Variants in ABAT observed in about 807,000 individuals in gnomAD.
The protein encoded by ABAT is 4-aminobutyrate aminotransferase, mitochondrial.
ABAT carries 45 observed loss-of-function variants against 64.6 expected under a neutral mutation model. That is an observed-to-expected ratio of 0.70 (90% CI 0.55 to 0.89). The LOEUF (loss-of-function observed/expected upper bound fraction) is 0.89. Among genes scored for constraint, ABAT ranks in the 40% least tolerant of loss-of-function variants. The pLI is 0.00. For missense variants in ABAT, 633 were observed against 658.4 expected (o/e 0.96, Z 0.42); for synonymous variants, 297 against 250.5 (o/e 1.19, Z -1.75).
chr16:8,749,777 C>T (rs2059428035), intron 4 of ABAT, among the ~76,000 whole-genome samples: 1 of 151,808 alleles, frequency 6.6e-6, no homozygotes, highest in Admixed American at 6.6e-5. Flanking sequence ...TGTAGTGGCA[C>T]AATCTAAGTT....
At chr16:8,779,132 C>T (rs984963346) in intron 14 of ABAT, among the ~76,000 whole-genome samples, 5 of 152,316 alleles carry the variant, frequency 3.3e-5, no homozygotes, top group South Asian at 4.1e-4. Flanking sequence ...AGTCTCACCA[C>T]GGCCCCAGTG....
chr16:8,752,606 G>C (rs747922348), intron 5 of ABAT, among the ~76,000 whole-genome samples: 206 of 152,162 alleles, frequency 1.4e-3, no homozygotes, highest in Non-Finnish European at 2.1e-3. Context: ...CTCTACAAAA[G>C]AGTTTTAAAA....
chr16:8,763,306 T>G (rs1410217209), intron 6 of ABAT, among the ~76,000 whole-genome samples: 1 of 151,974 alleles, frequency 6.6e-6, no homozygotes, highest in Non-Finnish European at 1.5e-5. Context: ...GGTCCTCAGT[T>G]CCCCCAACTC....
At chr16:8,707,378 A>C (rs2057972076) in intron 1 of ABAT, among the ~76,000 whole-genome samples, 1 of 86,850 alleles carries the variant, frequency 1.2e-5, no homozygotes, top group Non-Finnish European at 2.3e-5. Flanking sequence ...TTTAGCGGAG[A>C]CAGGGTTTCA....
Position 8,768,175 on chromosome 16 carries a change from G to GAT in ABAT, c.604-15_604-14dup. 1 of 1,613,020 alleles carries GAT rather than the reference G, an allele frequency of 6.2e-7. No individual in the cohort carries two copies. The highest frequency in any genetic ancestry group is 8.5e-7 in the Non-Finnish European group (1 of 1,179,070). On this transcript the variant is annotated splice_polypyrimidine_tract_variant and intron_variant, in intron 9 of 15. Coordinates refer to ENST00000268251, the MANE Select transcript of ABAT (RefSeq NM_020686.6). ...ATCCTTACAACTATGACTAATGACT[G>GAT]ATATTTCTTGGTTTTAGGCCCCTGG... is the stretch of plus-strand genomic sequence containing the variant.
At position 8,764,660 on chromosome 16, in the gene ABAT, G is replaced by C; in HGVS notation, c.448-78G>C. On this transcript the variant is annotated intron_variant, in intron 7 of 15. Coordinates refer to ENST00000268251, the MANE Select transcript of ABAT (RefSeq NM_020686.6). The surrounding 1 kb of genome is among the most constrained non-coding windows in gnomAD (Gnocchi z 4.2). ...CTGTCCCCGGTACGGCCCCTGCGAA[G>C]ATTCAGCTCCAGCCAGGGGAAGCGG... The C allele has an allele frequency of 7.2e-7, 1 of 1,379,834 alleles. No individual in the cohort carries two copies. The highest frequency in any genetic ancestry group is 1.0e-6 in the Non-Finnish European group (1 of 968,610). 85.5% of individuals were successfully genotyped at this position (1,379,834 alleles called of 1,614,324 possible). A position where few individuals can be genotyped will look rare whatever the true frequency, so the allele number is the denominator to read the frequency against.
intron 2 of ABAT, among the ~76,000 whole-genome samples, chr16:8,740,834 CAAT>C (rs1318657239): frequency 2.0e-5 from 3 of 152,152 alleles, no homozygotes; most frequent in Non-Finnish European, 4.4e-5. Flanking sequence ...GTATCTTCCT[CAAT>C]AAACATTTTA....
intron 6 of ABAT, among the ~76,000 whole-genome samples, chr16:8,762,181 A>T (rs980516364): frequency 4.6e-5 from 7 of 152,100 alleles, no homozygotes; most frequent in Non-Finnish European, 1.0e-4. Context: ...ACTATTTCTT[A>T]TGTCACCAGG....
At chr16:8,735,449 G>C (rs988576202) in intron 1 of ABAT, among the ~76,000 whole-genome samples, 1 of 152,096 alleles carries the variant, frequency 6.6e-6, no homozygotes, top group Non-Finnish European at 1.5e-5. Context: ...ATGGGATCTT[G>C]CTATGCTGCC....
At position 8,771,977 on chromosome 16, in the gene ABAT, C is replaced by G. The variant is rs1181965734; in HGVS notation, c.817-803C>G. 2.0e-5 allele frequency among the ~76,000 whole-genome samples: 3 copies of G among 152,192 alleles called. No homozygotes were observed. The East Asian group carries it at 5.8e-4, about 29-fold the overall frequency. ...CATGAACCGCGCTATGTTGCACAGGCTGGTCTCAAACTCCTGGCCTCAAGG... is the reference window on the plus strand; with the variant it reads ...CATGAACCGCGCTATGTTGCACAGGGTGGTCTCAAACTCCTGGCCTCAAGG... On this transcript the variant is annotated intron_variant, in intron 11 of 15. Transcript: ENST00000268251.
At chr16:8,730,676 T>C (rs1384268041) in intron 1 of ABAT, among the ~76,000 whole-genome samples, 2 of 152,126 alleles carry the variant, frequency 1.3e-5, no homozygotes, top group Admixed American at 1.3e-4. Flanking sequence ...TTCTGTCCAC[T>C]GTGGGGCTGG....
rs184900111 is a variant in ABAT, at chr16:8,776,731, T to G, written c.1269+241T>G. On this transcript the variant is annotated intron_variant, in intron 14 of 15. Coordinates refer to ENST00000268251, the MANE Select transcript of ABAT (RefSeq NM_020686.6). The surrounding 1 kb of genome is among the most constrained non-coding windows in gnomAD (Gnocchi z 4.4). ...ACTCCTGGTTTTCTTTGTTGTTGTT[T>G]TTTTTAATTTATTTTTTATTTTTTT... Among the ~76,000 whole-genome samples the G allele has an allele frequency of 1.4e-3, 211 of 152,318 alleles. 9 individuals are homozygous for G. In the South Asian group the frequency reaches 0.038, roughly 28 times the overall value.
chr16:8,693,688 T>G (rs919826564), intron 1 of ABAT, among the ~76,000 whole-genome samples: 1 of 152,126 alleles, frequency 6.6e-6, no homozygotes, highest in Admixed American at 6.6e-5. Context: ...AGGCTGGTCT[T>G]GAACTCCTGA....
rs754805061 is a variant in ABAT, at chr16:8,750,400, G to T, written c.199-22G>T. 7 of 1,599,868 alleles carry T rather than the reference G, an allele frequency of 4.4e-6. No homozygotes were observed. In the Admixed American group the frequency reaches 1.2e-4, roughly 27 times the overall value. ...ATCTAGGGAGTGGCAGTGAGCCTGA[G>T]TTGGTCTTTTCTTTCTCCAAGAATG... On this transcript the variant is annotated intron_variant, in intron 4 of 15. Coordinates refer to ENST00000268251, the MANE Select transcript of ABAT (RefSeq NM_020686.6).
chr16:8,764,406 C>G lies in ABAT; in HGVS notation c.447+257C>G, dbSNP rs112513999. Among the ~76,000 whole-genome samples the G allele has an allele frequency of 1.3e-5, 2 of 152,188 alleles. No homozygotes were observed. Among genetic ancestry groups the G allele is most frequent in the Admixed American group, 6.5e-5 (1 of 15,280 alleles). ...TGCATATGTCATTCAATCCTGCCCC[C>G]ACTTCTCGGTTTTAGTTACTACAAA... On this transcript the variant is annotated intron_variant, in intron 7 of 15. Coordinates refer to ENST00000268251, the MANE Select transcript of ABAT (RefSeq NM_020686.6). The surrounding 1 kb of genome is among the most constrained non-coding windows in gnomAD (Gnocchi z 4.2).
chr16:8,714,003 C>T (rs2058141441), intron 1 of ABAT: 1 of 434,826 alleles, frequency 2.3e-6, no homozygotes, highest in African/African-American at 2.0e-5. Flanking sequence ...GGGGCACACA[C>T]CCTTGTGCAT....
At chr16:8,713,550 C>T (rs1283039617) in intron 1 of ABAT, 2 of 228,572 alleles carry the variant, frequency 8.7e-6, no homozygotes. Context: ...CAGTCTCTCA[C>T]ATTCTGTCTT....
chr16:8,701,422 T>C (rs1385908589), intron 1 of ABAT, among the ~76,000 whole-genome samples: 1 of 152,210 alleles, frequency 6.6e-6, no homozygotes, highest in Non-Finnish European at 1.5e-5. Flanking sequence ...CATGCACTAT[T>C]GGCCAGGCCC....
At chr16:8,771,323 A>C (rs957949701) in intron 11 of ABAT, among the ~76,000 whole-genome samples, 4 of 151,938 alleles carry the variant, frequency 2.6e-5, no homozygotes, top group African/African-American at 9.7e-5. Context: ...AACCAAGAAA[A>C]GTATCTCAGA....
Sources: allele counts gnomAD v4.1 joint callset (sites outside exome capture counted in the v4.1 genomes callset), GRCh38; gene constraint gnomAD v4.1.1; non-coding constraint Gnocchi (gnomAD v3.1); transcripts MANE v1.5; gene names NCBI Gene and HGNC (gene_info 2026-07-23, HGNC 2026-07-21).